Variants in ZFP69 observed in about 807,000 individuals in gnomAD.
ZFP69 encodes the protein zinc finger protein 69 homolog.
A neutral mutation model predicts 48.9 loss-of-function variants in ZFP69; 35 were observed. The observed-to-expected ratio is 0.72, with a 90% CI of 0.55 to 0.95. ZFP69 has a LOEUF of 0.95. Ranked by LOEUF, ZFP69 falls within the 40% of genes least tolerant of loss-of-function variation. ZFP69 has a pLI of 0.00. For synonymous variants in ZFP69, 193 were observed against 216.8 expected, an observed-to-expected ratio of 0.89 and a Z score of 0.96; for missense variants, 557 against 638.4, an observed-to-expected ratio of 0.87 and a Z score of 1.37.
At position 40,495,200 on chromosome 1, in the gene ZFP69, G is replaced by C. The variant is rs780446998; in HGVS notation, c.722G>C (p.Arg241Thr). 6.2e-7 allele frequency: 1 copy of C among 1,614,002 alleles called. No individual in the cohort carries two copies. Among genetic ancestry groups the C allele is most frequent in the South Asian group, 1.1e-5 (1 of 91,082 alleles). ...IVHSNVIIEQ[R>T]HHKYDTPTKR... ...CATTCAAATGTTATTATTGAACAGA[G>C]GCACCATAAATATGATACACCTACA... The change falls in exon 6 of 6, where the codon AGG becomes ACG. Residue 241 changes from arginine to threonine, a missense_variant. Transcript: ENST00000372706.
intron 3 of ZFP69, among the ~76,000 whole-genome samples, chr1:40,488,125 A>C (rs566481952): frequency 1.3e-5 from 2 of 151,826 alleles, no homozygotes; most frequent in South Asian, 4.2e-4. Context: ...CCAAGGCAGG[A>C]GTGCATGTGT....
At position 40,489,168 on chromosome 1, in the gene ZFP69, A is replaced by G. The variant is rs1197770827; in HGVS notation, c.300A>G (p.Leu100=). 6.2e-7 allele frequency: 1 copy of G among 1,614,208 alleles called. No homozygotes were observed. The highest frequency in any genetic ancestry group is 2.2e-5 in the East Asian group (1 of 44,888). ...WGQLAPAHQN[L]YREVMLENYS... is the part of the protein sequence containing the mutation. ...AGCTGGCTCCTGCTCACCAGAATCT[A>G]TACCGAGAGGTGATGCTGGAGAACT... Residue 100 remains leucine, a synonymous_variant, in exon 4 of 6, where the codon CTA becomes CTG. Transcript: ENST00000372706.
intron 5 of ZFP69, among the ~76,000 whole-genome samples, chr1:40,492,098 A>G (rs905849803): frequency 4.6e-5 from 7 of 152,140 alleles, no homozygotes; most frequent in African/African-American, 1.7e-4. Context: ...CCTGGGCTCA[A>G]GTGATTCTTC....
intron 3 of ZFP69, among the ~76,000 whole-genome samples, chr1:40,483,123 G>C (rs534322909): frequency 1.3e-5 from 2 of 151,586 alleles, no homozygotes; most frequent in Admixed American, 6.6e-5. Flanking sequence ...GTGGAATACC[G>C]TTTAAAAAGG....
At position 40,481,029 on chromosome 1, in the gene ZFP69, G is replaced by A. The variant is rs1439957105; in HGVS notation, c.128-734G>A. 7.9e-5 allele frequency among the ~76,000 whole-genome samples: 12 copies of A among 152,204 alleles called. 1 individual carries two copies. The South Asian group carries it at 1.7e-3, about 21-fold the overall frequency. Reference sequence around the variant, plus strand: ...TCACCATAATGGCCAGGCTGGTCTCGAACTCCTGACCTCGTGATCCACCTG... The same window carrying A: ...TCACCATAATGGCCAGGCTGGTCTCAAACTCCTGACCTCGTGATCCACCTG... On this transcript the variant is annotated intron_variant, in intron 2 of 5. Transcript: ENST00000372706.
At chr1:40,478,122 T>TCACA (rs5773698) in intron 1 of ZFP69, among the ~76,000 whole-genome samples, 2,891 of 147,224 alleles carry the variant, frequency 0.02, 41 homozygotes, top group South Asian at 0.037. Flanking sequence ...CTGCATATAG[T>TCACA]CACACACACA....
At chr1:40,487,125 A>G (rs1006328192) in intron 3 of ZFP69, among the ~76,000 whole-genome samples, 16 of 151,796 alleles carry the variant, frequency 1.1e-4, no homozygotes, top group African/African-American at 3.9e-4. Context: ...GGGTTTCACC[A>G]TGTTGGCCAG....
At chr1:40,494,846 C>A in intron 5 of ZFP69, 75 bp from the exon 6 acceptor site, 1 of 1,279,218 alleles carries the variant, frequency 7.8e-7, no homozygotes, top group East Asian at 2.3e-5. Flanking sequence ...TGCACTTATC[C>A]ATATTGTTGT....
In ZFP69 at chr1:40,495,305, G is replaced by T; in HGVS notation, c.827G>T (p.Cys276Phe). ...IRTKTYECNI[C>F]EKIFKQPIHL... ...ACAAAAACCTATGAATGTAATATAT[G>T]TGAAAAAATCTTCAAACAACCTATT... Residue 276 changes from cysteine to phenylalanine, a missense_variant, in exon 6 of 6, where the codon TGT becomes TTT. Transcript: ENST00000372706. 6.2e-7 allele frequency: 1 copy of T among 1,614,036 alleles called. No homozygotes were observed. Among genetic ancestry groups the T allele is most frequent in the Non-Finnish European group, 8.5e-7 (1 of 1,179,990 alleles).
At chr1:40,479,586 GGTCT>G in intron 2 of ZFP69, 98 bp downstream of exon 2, 1 of 1,286,760 alleles carries the variant, frequency 7.8e-7, no homozygotes, top group Non-Finnish European at 1.0e-6. Context: ...AGGGAGAGAA[GGTCT>G]CTGGGGGTTC....
chr1:40,489,555 A>T lies in ZFP69; in HGVS notation c.373A>T (p.Ile125Leu), dbSNP rs200696975. 19 of 1,613,418 alleles carry T rather than the reference A, an allele frequency of 1.2e-5. No homozygotes were observed. The highest frequency in any genetic ancestry group is 1.5e-5 in the Non-Finnish European group (18 of 1,179,870). Residue 125 changes from isoleucine (I) to leucine (L), a missense_variant, in exon 5 of 6, where the codon ATA becomes TTA. Physicochemically the swap from Ile to Leu is conservative, Grantham distance 5. Transcript: ENST00000372706. ...ATATCAACTTTCCAAACCTAGTGTG[A>T]TATCCCAGTTAGAGAAAGGAGAAGA... ...VGYQLSKPSVISQLEKGEEPW... is the reference protein window; with the variant it reads ...VGYQLSKPSVLSQLEKGEEPW...
chr1:40,489,100 T>G lies in ZFP69; in HGVS notation c.232T>G (p.Phe78Val). Reference sequence around the variant, plus strand: ...TTTGATGTTCTAGGAATTGTTGACTTTCAAGGACATATCTATTGACTTCAC... The same window carrying G: ...TTTGATGTTCTAGGAATTGTTGACTGTCAAGGACATATCTATTGACTTCAC... Reference protein sequence around the residue: ...PTAESQELLTFKDISIDFTQE... With the variant: ...PTAESQELLTVKDISIDFTQE... The change falls in exon 4 of 6, where the codon TTC becomes GTC. Residue 78 changes from phenylalanine to valine, a missense_variant. Phe to Val is a conservative substitution (Grantham distance 50). Transcript: ENST00000372706. The G allele has an allele frequency of 6.2e-7, 1 of 1,613,818 alleles. No individual in the cohort carries two copies. The highest frequency in any genetic ancestry group is 8.5e-7 in the Non-Finnish European group (1 of 1,179,988).
chr1:40,486,679 T>A (rs1174523618), intron 3 of ZFP69, among the ~76,000 whole-genome samples: 1 of 151,404 alleles, frequency 6.6e-6, no homozygotes, highest in African/African-American at 2.4e-5. Context: ...GCCTTGGCCT[T>A]CCAAAGTGCT....
Position 40,495,302 on chromosome 1 carries a change from T to C in ZFP69, c.824T>C (p.Ile275Thr), listed in dbSNP as rs1468622951. 1.9e-6 allele frequency: 3 copies of C among 1,614,122 alleles called. No individual in the cohort carries two copies. The highest frequency in any genetic ancestry group is 2.2e-5 in the East Asian group (1 of 44,878). The change falls in exon 6 of 6, where the codon ATA becomes ACA. Residue 275 changes from isoleucine (I) to threonine (T), a missense_variant. By Grantham distance (89) the Ile-to-Thr change is moderately conservative. Coordinates refer to ENST00000372706, the MANE Select transcript of ZFP69 (RefSeq NM_001320179.2). Reference sequence around the variant, plus strand: ...AGAACAAAAACCTATGAATGTAATATATGTGAAAAAATCTTCAAACAACCT... The same window carrying C: ...AGAACAAAAACCTATGAATGTAATACATGTGAAAAAATCTTCAAACAACCT... ...YIRTKTYECNICEKIFKQPIH... is the reference protein window; with the variant it reads ...YIRTKTYECNTCEKIFKQPIH...
At chr1:40,494,511 G>A (rs1189615584) in intron 5 of ZFP69, among the ~76,000 whole-genome samples, 2 of 146,034 alleles carry the variant, frequency 1.4e-5, no homozygotes, top group Non-Finnish European at 3.0e-5. Context: ...CTCGTGATCC[G>A]CCCGCCTCGG....
At chr1:40,493,516 C>T (rs1276014151) in intron 5 of ZFP69, 1 of 152,134 alleles carries the variant, frequency 6.6e-6, no homozygotes, top group African/African-American at 2.4e-5. Context: ...TAGTTCAGTG[C>T]AATAATAAAA....
At position 40,494,994 on chromosome 1, in the gene ZFP69, C is replaced by T. The variant is rs760605286; in HGVS notation, c.516C>T (p.Gly172=). 1.8e-5 allele frequency: 29 copies of T among 1,613,680 alleles called. No individual in the cohort carries two copies. In the Admixed American group the frequency reaches 1.8e-4, roughly 10 times the overall value. ...TTTCACAGGAGCGCTTATATCATGG[C>T]ATTATGATGGAAAGTTTCATGAGGG... ...STISQERLYH[G]IMMESFMRDD... Residue 172 remains glycine (G), a synonymous_variant, in exon 6 of 6, where the codon GGC becomes GGT. Transcript: ENST00000372706.
chr1:40,494,023 C>G (rs1008894981), intron 5 of ZFP69, among the ~76,000 whole-genome samples: 13 of 152,008 alleles, frequency 8.6e-5, no homozygotes, highest in African/African-American at 3.1e-4. Flanking sequence ...TATACACACA[C>G]ACAAGTTTCA....
Position 40,495,343 on chromosome 1 carries a change from CAT to C in ZFP69, c.868_869del (p.Met290GlufsTer6), listed in dbSNP as rs866570599. 6.2e-7 allele frequency: 1 copy of C among 1,614,020 alleles called. No homozygotes were observed. Among genetic ancestry groups the C allele is most frequent in the African/African-American group, 1.3e-5 (1 of 74,918 alleles). ...CAAACAACCTATTCACCTTACTGAA[CAT>C]ATGAGAATTCATACTGGTGAGAAAC... ...IFKQPIHLTE[H>X]MRIHTGEKPF... On this transcript the variant is annotated frameshift_variant, in exon 6 of 6. Transcript: ENST00000372706. LOFTEE classifies it high-confidence loss of function.
Sources: allele counts gnomAD v4.1 joint callset (sites outside exome capture counted in the v4.1 genomes callset), GRCh38; gene constraint gnomAD v4.1.1; transcripts MANE v1.5; gene names NCBI Gene and HGNC (gene_info 2026-07-23, HGNC 2026-07-21).